DLGAP2: variants seen among roughly 807,000 people sequenced by gnomAD.
DLGAP2 encodes the protein disks large-associated protein 2.
Under a neutral mutation model 100.3 loss-of-function variants are expected in DLGAP2, and 26 were observed. The observed-to-expected ratio is 0.26, with a 90% CI of 0.19 to 0.36. The LOEUF (loss-of-function observed/expected upper bound fraction) is 0.36, where lower values mean the gene tolerates loss of function less well. DLGAP2 is among the 10% of genes least tolerant of loss of function. DLGAP2 has a pLI of 1.00. For missense variants in DLGAP2, 1,858 were observed against 1,453.2 expected, an observed-to-expected ratio of 1.28 and a Z score of -4.53; for synonymous variants, 886 against 630.1, an observed-to-expected ratio of 1.41 and a Z score of -6.08.
intron 1 of DLGAP2, among the ~76,000 whole-genome samples, chr8:774,734 C>A (rs1821465442): frequency 6.6e-6 from 1 of 151,142 alleles, no homozygotes; most frequent in Admixed American, 6.6e-5. Context: ...CAGTACCATG[C>A]TGTTTTGGTT....
intron 3 of DLGAP2, among the ~76,000 whole-genome samples, chr8:1,267,024 C>G (rs1258187189): frequency 6.6e-6 from 1 of 151,532 alleles, no homozygotes; most frequent in Non-Finnish European, 1.5e-5. Flanking sequence ...GTCAGGAGGT[C>G]AAAACCATCC....
At chr8:927,007 C>T in intron 2 of DLGAP2, 1 of 985,246 alleles carries the variant, frequency 1.0e-6, no homozygotes, top group Non-Finnish European at 1.2e-6. Context: ...GGACCCCCCG[C>T]CGAGAAAGAG....
At chr8:1,679,862 C>T (rs191885725) in intron 12 of DLGAP2, among the ~76,000 whole-genome samples, 188 of 151,938 alleles carry the variant, frequency 1.2e-3, no homozygotes, top group Non-Finnish European at 2.0e-3. Flanking sequence ...TACCTGTAAT[C>T]CTAGCTATTT....
chr8:1,246,341 C>T (rs559792054), intron 2 of DLGAP2, among the ~76,000 whole-genome samples: 9 of 152,188 alleles, frequency 5.9e-5, no homozygotes, highest in South Asian at 2.1e-4. Flanking sequence ...GAATTTCAAG[C>T]GATGGTGCTT....
intron 3 of DLGAP2, among the ~76,000 whole-genome samples, chr8:1,413,007 A>G (rs996107822): frequency 1.3e-5 from 2 of 151,308 alleles, no homozygotes; most frequent in South Asian, 4.2e-4. Flanking sequence ...TGTGGGAAAA[A>G]TCCTTCAATA....
chr8:1,459,804 G>A (rs1287811361), intron 3 of DLGAP2, among the ~76,000 whole-genome samples: 1 of 149,280 alleles, frequency 6.7e-6, no homozygotes, highest in Non-Finnish European at 1.5e-5. Context: ...TCCTGTGTCA[G>A]CCTCCCGAGT....
At chr8:1,267,269 A>G (rs1310470624) in intron 3 of DLGAP2, among the ~76,000 whole-genome samples, 2 of 148,814 alleles carry the variant, frequency 1.3e-5, no homozygotes, top group East Asian at 4.0e-4. Context: ...AAAATAAAAT[A>G]AAATAAAATA....
At chr8:899,811 G>A (rs1012845356) in intron 1 of DLGAP2, among the ~76,000 whole-genome samples, 20 of 152,218 alleles carry the variant, frequency 1.3e-4, no homozygotes, top group African/African-American at 4.3e-4. Context: ...TCATGTGGCT[G>A]GAGAAGCACA....
intron 2 of DLGAP2, among the ~76,000 whole-genome samples, chr8:945,870 T>G (rs776511155): frequency 2.6e-5 from 4 of 152,052 alleles, no homozygotes; most frequent in Non-Finnish European, 4.4e-5. Context: ...ATTAATGTTG[T>G]TTTGTCTGAA....
chr8:908,685 C>G (rs1798427806), intron 2 of DLGAP2, among the ~76,000 whole-genome samples: 1 of 152,182 alleles, frequency 6.6e-6, no homozygotes, highest in African/African-American at 2.4e-5. Flanking sequence ...TGCAAGATTT[C>G]TGATTTATTT....
At chr8:961,304 T>C (rs1236965494) in intron 2 of DLGAP2, among the ~76,000 whole-genome samples, 1 of 152,214 alleles carries the variant, frequency 6.6e-6, no homozygotes, top group African/African-American at 2.4e-5. Flanking sequence ...CTCAGGAAAA[T>C]GAGTTCCATC....
At chr8:742,253 G>C (rs1008732465) in intron 1 of DLGAP2, among the ~76,000 whole-genome samples, 6 of 152,056 alleles carry the variant, frequency 3.9e-5, no homozygotes, top group Non-Finnish European at 7.4e-5. Flanking sequence ...AGGAAAAAAA[G>C]AGAAAAATTT....
chr8:1,088,392 C>G (rs547894575), intron 2 of DLGAP2, among the ~76,000 whole-genome samples: 1 of 152,180 alleles, frequency 6.6e-6, no homozygotes, highest in Admixed American at 6.5e-5. Flanking sequence ...AAGCTTTTCT[C>G]CTCCTCATCT....
At chr8:1,614,738 TGTA>T (rs1210881530) in intron 6 of DLGAP2, among the ~76,000 whole-genome samples, 1 of 152,214 alleles carries the variant, frequency 6.6e-6, no homozygotes, top group Non-Finnish European at 1.5e-5. Context: ...TTTTTTAAAA[TGTA>T]ATAATGGGGA....
chr8:742,450 G>A (rs564589494), intron 1 of DLGAP2, among the ~76,000 whole-genome samples: 3 of 152,230 alleles, frequency 2.0e-5, no homozygotes, highest in South Asian at 2.1e-4. Context: ...TAAGTTAGGC[G>A]GTATTGAAAA....
rs1034927852 is a variant in DLGAP2 at position 1,037,457 on chromosome 8, G to A, written c.73+129491G>A. The stretch of plus-strand genomic sequence containing the variant: ...AGCTCCTGCACCCCCAGGGCCTGGC[G>A]GTGGCCTGGCTGCTGTGCACTGAAG... On this transcript the variant is annotated intron_variant, in intron 2 of 14. Transcript: ENST00000637795. 1.8e-4 allele frequency among the ~76,000 whole-genome samples: 27 copies of A among 152,220 alleles called. 1 individual carries two copies. Among genetic ancestry groups the A allele is most frequent in the South Asian group, 8.3e-4 (4 of 4,824 alleles).
intron 2 of DLGAP2, among the ~76,000 whole-genome samples, chr8:1,173,670 A>G (rs1160494270): frequency 6.6e-6 from 1 of 152,196 alleles, no homozygotes; most frequent in Non-Finnish European, 1.5e-5. Context: ...TTATGGGCGT[A>G]GGACCCTCTG....
At chr8:1,129,736 G>C (rs548459380) in intron 2 of DLGAP2, among the ~76,000 whole-genome samples, 4 of 152,250 alleles carry the variant, frequency 2.6e-5, no homozygotes, top group Non-Finnish European at 5.9e-5. Flanking sequence ...CTTTTCACAT[G>C]TTAACCTGAA....
At chr8:979,087 A>G (rs1800255208) in intron 2 of DLGAP2, among the ~76,000 whole-genome samples, 1 of 152,122 alleles carries the variant, frequency 6.6e-6, no homozygotes. Flanking sequence ...CTTGTCATTA[A>G]GAATTCTAAA....
Sources: gnomAD v4.1 joint callset for allele counts (sites outside exome capture counted in the v4.1 genomes callset) on GRCh38, gnomAD v4.1.1 for gene constraint, MANE v1.5 for transcripts, NCBI Gene and HGNC (gene_info 2026-07-23, HGNC 2026-07-21) for gene names.